The following CMTM4 variants were observed in gnomAD, a reference collection of about 807,000 sequenced individuals.
CMTM4 encodes the protein CKLF-like MARVEL transmembrane domain-containing protein 4.
CMTM4 carries 8 observed loss-of-function variants against 19.0 expected under a neutral mutation model. The ratio of observed to expected loss-of-function variants is 0.42; its 90% CI spans 0.25 to 0.76. CMTM4 has a LOEUF of 0.76. Ranked by LOEUF, CMTM4 falls within the 30% of genes least tolerant of loss-of-function variation. CMTM4 has a pLI of 0.27. For missense variants in CMTM4, 228 were observed against 290.2 expected, an observed-to-expected ratio of 0.79 and a Z score of 1.56; for synonymous variants, 106 against 121.1, an observed-to-expected ratio of 0.88 and a Z score of 0.82.
downstream of CMTM4, chr16:66,609,981 GACC>G (rs1319004480): frequency 6.2e-7 from 1 of 1,614,056 alleles, no homozygotes; most frequent in African/African-American, 1.3e-5. The surrounding 1 kb of genome is among the most constrained non-coding windows in gnomAD (Gnocchi z 4.4). Context: ...CTGCAGATGA[GACC>G]ACAGCCCACA....
chr16:66,655,048 T>C (rs965802922), intron 1 of CMTM4, among the ~76,000 whole-genome samples: 30 of 151,940 alleles, frequency 2.0e-4, no homozygotes, highest in African/African-American at 6.8e-4. Context: ...CAGGCTAGAG[T>C]GTTGTGCTCA....
chr16:66,673,979 G>C (rs934065538), intron 1 of CMTM4, among the ~76,000 whole-genome samples: 2 of 152,236 alleles, frequency 1.3e-5, no homozygotes, highest in African/African-American at 2.4e-5. Context: ...CAAGTTCTCA[G>C]AGCAAGGCAG....
At chr16:66,656,180 T>G (rs905740716) in intron 1 of CMTM4, among the ~76,000 whole-genome samples, 1 of 152,022 alleles carries the variant, frequency 6.6e-6, no homozygotes, top group Non-Finnish European at 1.5e-5. Context: ...TCCAAACTCA[T>G]GAGTTCATAC....
In CMTM4 at chr16:66,618,565, CTG is replaced by C. The variant is rs1242139281; in HGVS notation, c.*3491_*3492del. ...TGTGAATCTACAAGAAAAGGTACGC[CTG>C]GGCCACACGCAGGACATGGCACCCA... is the stretch of plus-strand genomic sequence containing the variant. On this transcript the variant is annotated 3_prime_UTR_variant, in exon 4 of 4. Transcript: ENST00000394106. 59 of 985,466 alleles carry C rather than the reference CTG, an allele frequency of 6.0e-5. No homozygotes were observed. Among genetic ancestry groups the C allele is most frequent in the Non-Finnish European group, 7.0e-5 (58 of 829,974 alleles). The allele number at this position is 985,466 out of a possible 1,614,324, so 61.0% of individuals were successfully genotyped here.
intron 1 of CMTM4, among the ~76,000 whole-genome samples, chr16:66,679,847 G>A (rs938642158): frequency 6.7e-5 from 10 of 148,866 alleles, no homozygotes; most frequent in Non-Finnish European, 1.0e-4. Context: ...AAAAAAAGAT[G>A]AGACCGATGA....
chr16:66,626,264 G>A (rs2144788908), intron 2 of CMTM4, among the ~76,000 whole-genome samples: 1 of 152,056 alleles, frequency 6.6e-6, no homozygotes, highest in South Asian at 2.1e-4. Flanking sequence ...GTGAAACCCC[G>A]TCTCTACTAA....
At chr16:66,609,914 C>T, downstream of CMTM4, 1 of 1,614,138 alleles carries the variant, frequency 6.2e-7, no homozygotes, top group South Asian at 1.1e-5. The surrounding 1 kb of genome is among the most constrained non-coding windows in gnomAD (Gnocchi z 4.4). Context: ...ATCGTGTTTG[C>T]AACTGATTTC....
chr16:66,659,002 A>G (rs2016453284), intron 1 of CMTM4, among the ~76,000 whole-genome samples: 1 of 151,980 alleles, frequency 6.6e-6, no homozygotes, highest in African/African-American at 2.4e-5. Flanking sequence ...GCTTCTTTTC[A>G]TCCCACCCCC....
chr16:66,696,010 G>C lies in CMTM4; in HGVS notation c.186+330C>G, dbSNP rs546970091. Among the ~76,000 whole-genome samples the C allele has an allele frequency of 3.3e-5, 5 of 152,228 alleles. No individual in the cohort carries two copies. Among genetic ancestry groups the C allele is most frequent in the Non-Finnish European group, 7.3e-5 (5 of 68,030 alleles). ...GGTTGCTAAGACCAGCTGTACCCAG[G>C]AGACAGCAGGATTCCCAGCAGCACC... On this transcript the variant is annotated intron_variant, in intron 1 of 3. Coordinates refer to ENST00000394106, the MANE Select transcript of CMTM4 (RefSeq NM_181521.3). The surrounding 1 kb of genome is among the most constrained non-coding windows in gnomAD (Gnocchi z 4.3).
intron 1 of CMTM4, among the ~76,000 whole-genome samples, chr16:66,649,494 C>CTAT (rs61332472): frequency 6.6e-6 from 1 of 151,096 alleles, no homozygotes; most frequent in African/African-American, 2.4e-5. Flanking sequence ...ATCTATCTAT[C>CTAT]CCTGATTTTT....
At position 66,621,068 on chromosome 16, in the gene CMTM4, T is replaced by C; in HGVS notation, c.*990A>G. ...TGCAAATTCAAGTATTTTCAAATCC[T>C]AGACGAATCTGCTCAGAATCATTTT... is the stretch of plus-strand genomic sequence containing the variant. On this transcript the variant is annotated 3_prime_UTR_variant, in exon 4 of 4. Transcript: ENST00000394106. The C allele has an allele frequency of 1.0e-5, 10 of 985,900 alleles. No homozygotes were observed. The highest frequency in any genetic ancestry group is 1.2e-5 in the Non-Finnish European group (10 of 829,938). 61.1% of individuals were successfully genotyped at this position (985,900 alleles called of 1,614,324 possible). A position where few individuals can be genotyped will look rare whatever the true frequency, so the allele number is the denominator to read the frequency against.
In CMTM4 at chr16:66,689,489, G is replaced by A. The variant is rs150390634; in HGVS notation, c.186+6851C>T. ...TGTAGTGGCACGATCGCGGCTCACC[G>A]CAGCCTTGACCTCCTGGGCTCAAGC... is the stretch of plus-strand genomic sequence containing the variant. On this transcript the variant is annotated intron_variant, in intron 1 of 3. Coordinates refer to ENST00000394106, the MANE Select transcript of CMTM4 (RefSeq NM_181521.3). 4.6e-3 allele frequency among the ~76,000 whole-genome samples: 700 copies of A among 152,190 alleles called. 2 individuals carry two copies. The highest frequency in any genetic ancestry group is 0.014 in the Middle Eastern group (4 of 294).
At position 66,620,544 on chromosome 16, in the gene CMTM4, A is replaced by T; in HGVS notation, c.*1514T>A. Reference sequence around the variant, plus strand: ...GTCCTTTTCTGGGGAATGAGACGCCACATGTCCATAAGGTGACGCTTTCTT... The same window carrying T: ...GTCCTTTTCTGGGGAATGAGACGCCTCATGTCCATAAGGTGACGCTTTCTT... On this transcript the variant is annotated 3_prime_UTR_variant, in exon 4 of 4. Transcript: ENST00000394106. The T allele has an allele frequency of 6.1e-6, 6 of 985,470 alleles. No homozygotes were observed. Among genetic ancestry groups the T allele is most frequent in the Non-Finnish European group, 7.2e-6 (6 of 829,974 alleles). The allele number at this position is 985,470 out of a possible 1,614,324, so 61.0% of individuals were successfully genotyped here.
the CMTM4 span, among the ~76,000 whole-genome samples, chr16:66,598,419 G>A: frequency 2.6e-5 from 4 of 151,780 alleles, no homozygotes; most frequent in Admixed American, 6.6e-5. Context: ...GCTTTTTCTC[G>A]GTACCCTTTT....
intron 1 of CMTM4, among the ~76,000 whole-genome samples, chr16:66,643,028 G>A (rs1168003800): frequency 6.6e-6 from 1 of 152,108 alleles, no homozygotes; most frequent in African/African-American, 2.4e-5. Flanking sequence ...TCAAGTGATT[G>A]TCCTGCTTCA....
chr16:66,691,239 C>T (rs1477173536), intron 1 of CMTM4, among the ~76,000 whole-genome samples: 1 of 152,134 alleles, frequency 6.6e-6, no homozygotes, highest in Non-Finnish European at 1.5e-5. Context: ...TGCGGTGGCT[C>T]ACGCCTGTAA....
Position 66,617,864 on chromosome 16 carries a change from C to T in CMTM4, c.*4194G>A, listed in dbSNP as rs2015554739. The T allele has an allele frequency of 2.0e-6, 2 of 989,246 alleles. No individual in the cohort carries two copies. Among genetic ancestry groups the T allele is most frequent in the Non-Finnish European group, 2.4e-6 (2 of 832,482 alleles). The allele number at this position is 989,246 out of a possible 1,614,324, so 61.3% of individuals were successfully genotyped here. A position where few individuals can be genotyped will look rare whatever the true frequency, so the allele number is the denominator to read the frequency against. On this transcript the variant is annotated 3_prime_UTR_variant, in exon 4 of 4. Coordinates refer to ENST00000394106, the MANE Select transcript of CMTM4 (RefSeq NM_181521.3). The stretch of plus-strand genomic sequence containing the variant: ...GGAAAGACCTGTCCCCAGCATCCCA[C>T]TCTTGCCCTCAAGCTGACTGTGGAA...
At chr16:66,633,916 A>G (rs942828586) in intron 2 of CMTM4, among the ~76,000 whole-genome samples, 12 of 152,092 alleles carry the variant, frequency 7.9e-5, no homozygotes, top group Non-Finnish European at 1.3e-4. Flanking sequence ...AAAAGAGTGG[A>G]AAGTCTAGAA....
At chr16:66,629,885 G>T (rs1428772164) in intron 2 of CMTM4, among the ~76,000 whole-genome samples, 1 of 152,204 alleles carries the variant, frequency 6.6e-6, no homozygotes, top group Non-Finnish European at 1.5e-5. Flanking sequence ...AAGGACAGAG[G>T]CTCCTGCATC....
Sources: gnomAD v4.1 joint callset for allele counts (sites outside exome capture counted in the v4.1 genomes callset) on GRCh38, gnomAD v4.1.1 for gene constraint, Gnocchi (gnomAD v3.1) non-coding constraint, MANE v1.5 for transcripts, NCBI Gene and HGNC (gene_info 2026-07-23, HGNC 2026-07-21) for gene names.